Variants in RBFOX1 observed in about 807,000 individuals in gnomAD.
The protein encoded by RBFOX1 is RNA binding fox-1 homolog 1, also known as RNA binding protein fox-1 homolog 1.
Under a neutral mutation model 57.7 loss-of-function variants are expected in RBFOX1, and 8 were observed. The observed-to-expected ratio is 0.14, with a 90% CI of 0.08 to 0.25. The LOEUF (loss-of-function observed/expected upper bound fraction) is 0.25. Among genes scored for constraint, RBFOX1 ranks in the 10% least tolerant of loss-of-function variants. The pLI is 1.00. For missense variants in RBFOX1, 611 were observed against 548.5 expected (o/e 1.11, Z -1.14); for synonymous variants, 326 against 222.4 (o/e 1.47, Z -4.15).
At chr16:6,342,402 T>A (rs1275835035) in intron 2 of RBFOX1, among the ~76,000 whole-genome samples, 1 of 152,166 alleles carries the variant, frequency 6.6e-6, no homozygotes, top group East Asian at 1.9e-4. Flanking sequence ...GCCATGGCAA[T>A]CTTTTCACAT....
At chr16:6,398,176 T>C (rs56374822) in intron 2 of RBFOX1, among the ~76,000 whole-genome samples, 43,339 of 152,030 alleles carry the variant, frequency 0.29, 6,653 homozygotes, top group East Asian at 0.37. Flanking sequence ...CTCACCATCA[T>C]GAGAACAGCA....
At chr16:7,676,979 G>T (rs2073461746) in intron 14 of RBFOX1, 141 bp downstream of exon 14, 1 of 721,276 alleles carries the variant, frequency 1.4e-6, no homozygotes, top group African/African-American at 1.7e-5. Flanking sequence ...CATGGTGAAC[G>T]TGAACTCAAG....
chr16:7,014,652 C>G (rs1191738856), intron 3 of RBFOX1, among the ~76,000 whole-genome samples: 1 of 152,220 alleles, frequency 6.6e-6, no homozygotes, highest in Non-Finnish European at 1.5e-5. Flanking sequence ...GGATTTGATT[C>G]TCAGTCTTTC....
rs549834010 is a variant in RBFOX1, at chr16:7,037,929, T to G, written c.-15-14128T>G. On this transcript the variant is annotated intron_variant, in intron 3 of 15. Transcript: ENST00000550418. ...TTAATTGGGATGCAGATTATAAAAT[T>G]ATCAACTTCTGATAAAATTATTATT... is the stretch of plus-strand genomic sequence containing the variant. Among the ~76,000 whole-genome samples the G allele has an allele frequency of 1.5e-3, 236 of 152,314 alleles. 1 individual carries two copies. Among genetic ancestry groups the G allele is most frequent in the African/African-American group, 5.5e-3 (230 of 41,556 alleles).
intron 1 of RBFOX1, among the ~76,000 whole-genome samples, chr16:5,319,324 C>T (rs2064334514): frequency 6.6e-6 from 1 of 152,198 alleles, no homozygotes; most frequent in African/African-American, 2.4e-5. Flanking sequence ...CAAGCATTCA[C>T]TCCTAAGCTA....
chr16:7,504,175 C>T (rs539943227), intron 4 of RBFOX1, among the ~76,000 whole-genome samples: 6 of 152,112 alleles, frequency 3.9e-5, no homozygotes, highest in South Asian at 4.2e-4. Flanking sequence ...ATTTTCTTAG[C>T]GTCTCAGAGC....
chr16:5,603,231 T>G (rs146142139), downstream of RBFOX1, among the ~76,000 whole-genome samples: 13 of 152,310 alleles, frequency 8.5e-5, no homozygotes, highest in African/African-American at 3.1e-4. Context: ...GCTAGCATCT[T>G]TGGGAACTAG....
chr16:7,063,730 G>T (rs1383150590), intron 4 of RBFOX1, among the ~76,000 whole-genome samples: 1 of 152,166 alleles, frequency 6.6e-6, no homozygotes, highest in African/African-American at 2.4e-5. Flanking sequence ...ACACACCTGG[G>T]TCTGCACGGA....
rs59594774 is a variant in RBFOX1, at chr16:5,424,989, T to TTTCTTTC, written c.220-42225_220-42224insCTTTCTT. Among the ~76,000 whole-genome samples, 529 of 75,776 alleles carry TTTCTTTC rather than the reference T, an allele frequency of 7.0e-3. 45 individuals carry two copies. The highest frequency in any genetic ancestry group is 0.023 in the African/African-American group (513 of 22,050). The allele number at this position is 75,776 out of a possible 152,430, so 49.7% of individuals were successfully genotyped here. ...CTCTTTCTTTCTTTCTTTTCTTTTC[T>TTTCTTTC]TTTCTTTTCTTTTCTTTTCTTTTCT... On this transcript the variant is annotated intron_variant, in intron 1 of 2. Coordinates refer to the RBFOX1 transcript ENST00000585867.
intron 2 of RBFOX1, among the ~76,000 whole-genome samples, chr16:6,646,079 C>G (rs1423793405): frequency 1.8e-5 from 2 of 114,084 alleles, no homozygotes; most frequent in South Asian, 3.8e-4. Context: ...GAGTCCACAG[C>G]TCAAAATTCA....
intron 3 of RBFOX1, among the ~76,000 whole-genome samples, chr16:6,697,193 A>G (rs1475119124): frequency 6.6e-6 from 1 of 152,208 alleles, no homozygotes; most frequent in East Asian, 1.9e-4. Flanking sequence ...TATATATTAT[A>G]ATATGTATAT....
chr16:5,652,062 A>G (rs2049258594), intron 3 of RBFOX1, among the ~76,000 whole-genome samples: 1 of 152,154 alleles, frequency 6.6e-6, no homozygotes, highest in African/African-American at 2.4e-5. Context: ...TGAACCTTGG[A>G]GGAAGAGGTT....
At chr16:6,573,252 G>A (rs560166095) in intron 2 of RBFOX1, among the ~76,000 whole-genome samples, 9 of 152,236 alleles carry the variant, frequency 5.9e-5, no homozygotes, top group Non-Finnish European at 1.3e-4. Flanking sequence ...TGGTGGGTTT[G>A]CCGTGACTGC....
At chr16:7,104,241 A>G (rs1227608963) in intron 4 of RBFOX1, among the ~76,000 whole-genome samples, 1 of 152,080 alleles carries the variant, frequency 6.6e-6, no homozygotes, top group Non-Finnish European at 1.5e-5. Flanking sequence ...ATTAACCTCT[A>G]AATTGTATCC....
intron 4 of RBFOX1, among the ~76,000 whole-genome samples, chr16:7,120,577 C>G (rs1053848922): frequency 6.6e-6 from 1 of 151,106 alleles, no homozygotes; most frequent in African/African-American, 2.4e-5. Context: ...AAAACTTATT[C>G]AAAACAAACA....
At position 6,960,907 on chromosome 16, in the gene RBFOX1, G is replaced by T. The variant is rs148633944; in HGVS notation, c.-15-91150G>T. On this transcript the variant is annotated intron_variant, in intron 3 of 15. Transcript: ENST00000550418. ...CCAGCACTTTGGAAGGCCAAGGTGGGCGGATCACTTGAGGTCAGGAGACCA... is the reference window on the plus strand; with the variant it reads ...CCAGCACTTTGGAAGGCCAAGGTGGTCGGATCACTTGAGGTCAGGAGACCA... 4.8e-4 allele frequency among the ~76,000 whole-genome samples: 73 copies of T among 151,080 alleles called. No individual in the cohort carries two copies. In the East Asian group the frequency reaches 0.012, roughly 25 times the overall value.
intron 4 of RBFOX1, among the ~76,000 whole-genome samples, chr16:5,894,123 T>G (rs775020497): frequency 3.3e-5 from 5 of 152,128 alleles, no homozygotes; most frequent in Non-Finnish European, 7.4e-5. Context: ...GGATGATTTT[T>G]TAAACATGCC....
At chr16:7,566,444 C>T (rs2091705947) in intron 5 of RBFOX1, among the ~76,000 whole-genome samples, 1 of 152,120 alleles carries the variant, frequency 6.6e-6, no homozygotes, top group African/African-American at 2.4e-5. Flanking sequence ...TTCACCTTGA[C>T]CTTGAAAGGC....
intron 1 of RBFOX1, among the ~76,000 whole-genome samples, chr16:5,360,634 C>A (rs2065521131): frequency 6.6e-6 from 1 of 152,162 alleles, no homozygotes; most frequent in African/African-American, 2.4e-5. Flanking sequence ...TCTTTGGTTG[C>A]AAGCAGCAGA....
Sources: gnomAD v4.1 joint callset for allele counts (sites outside exome capture counted in the v4.1 genomes callset) on GRCh38, gnomAD v4.1.1 for gene constraint, MANE v1.5 for transcripts, NCBI Gene and HGNC (gene_info 2026-07-23, HGNC 2026-07-21) for gene names.